MAN2A1: variants seen among roughly 807,000 people sequenced by gnomAD.
MAN2A1 encodes the protein mannosidase alpha class 2A member 1.
A neutral mutation model predicts 142.6 loss-of-function variants in MAN2A1; 76 were observed. The observed-to-expected ratio is 0.53, with a 90% CI of 0.44 to 0.65. The LOEUF is 0.65. Ranked by LOEUF, MAN2A1 falls within the 30% of genes least tolerant of loss-of-function variation. MAN2A1 has a pLI of 0.00. For synonymous variants in MAN2A1, 559 were observed against 473.2 expected (o/e 1.18, Z -2.35); for missense variants, 1,311 against 1,365.1 (o/e 0.96, Z 0.62).
rs1177675086 is a variant in MAN2A1 at position 109,788,862 on chromosome 5, G to T, written c.1761-72G>T. ...GAAGATACTGGTGGTTTGGCTATTA[G>T]TAATGAAACTGAAAATATTGTATGC... On this transcript the variant is annotated intron_variant, in intron 10 of 21. Transcript: ENST00000261483. The T allele has an allele frequency of 5.6e-6, 4 of 714,540 alleles. No homozygotes were observed. The African/African-American group carries it at 7.1e-5, about 13-fold the overall frequency. 44.3% of individuals were successfully genotyped at this position (714,540 alleles called of 1,614,324 possible).
intron 5 of MAN2A1, among the ~76,000 whole-genome samples, chr5:109,761,339 G>T (rs17162169): frequency 6.6e-6 from 1 of 151,502 alleles, no homozygotes; most frequent in Non-Finnish European, 1.5e-5. Flanking sequence ...TCTGTATTAA[G>T]TATCATATTA....
chr5:109,735,457 C>T (rs1447803278), intron 4 of MAN2A1, among the ~76,000 whole-genome samples: 1 of 152,170 alleles, frequency 6.6e-6, no homozygotes, highest in Non-Finnish European at 1.5e-5. Flanking sequence ...GATGCAGTTT[C>T]TTCCTAGCCT....
chr5:109,813,488 C>G (rs1754372772), intron 12 of MAN2A1, among the ~76,000 whole-genome samples: 1 of 152,212 alleles, frequency 6.6e-6, no homozygotes, highest in African/African-American at 2.4e-5. Flanking sequence ...CCTCAGTTTC[C>G]TTATATGTCC....
intron 19 of MAN2A1, 85 bp from the exon 20 acceptor site, chr5:109,855,055 A>G: frequency 8.2e-6 from 5 of 612,014 alleles, no homozygotes; most frequent in Non-Finnish European, 1.3e-5. Context: ...ATATATTTTT[A>G]TATTAAACCC....
intron 4 of MAN2A1, among the ~76,000 whole-genome samples, chr5:109,744,920 G>C (rs978814781): frequency 6.6e-6 from 1 of 151,998 alleles, no homozygotes; most frequent in African/African-American, 2.4e-5. Context: ...AGAATACCTA[G>C]CAGTAAAAAA....
Position 109,866,995 on chromosome 5 carries a change from G to A in MAN2A1, c.3432G>A (p.Arg1144=). The change falls in exon 22 of 22, where the codon AGG becomes AGA. Residue 1144 remains arginine, a synonymous_variant. Coordinates refer to ENST00000261483, the MANE Select transcript of MAN2A1 (RefSeq NM_002372.4). ...MEISTFRIQL[R] is the part of the protein sequence containing the mutation. The stretch of plus-strand genomic sequence containing the variant: ...TCAGCACATTCCGAATCCAGTTGAG[G>A]TGAACCTGACTTTCACATTTGGATT... 1 of 1,606,244 alleles carries A rather than the reference G, an allele frequency of 6.2e-7. No individual in the cohort carries two copies. Among genetic ancestry groups the A allele is most frequent in the Non-Finnish European group, 8.5e-7 (1 of 1,176,726 alleles).
At chr5:109,859,384 T>C (rs1292002722) in intron 20 of MAN2A1, among the ~76,000 whole-genome samples, 2 of 152,222 alleles carry the variant, frequency 1.3e-5, no homozygotes, top group Non-Finnish European at 2.9e-5. Context: ...TTTTGGAAAA[T>C]GATTATATGC....
intron 3 of MAN2A1, among the ~76,000 whole-genome samples, chr5:109,718,193 A>G (rs568167217): frequency 6.6e-6 from 1 of 152,326 alleles, no homozygotes; most frequent in African/African-American, 2.4e-5. Flanking sequence ...TCTTCCTTGT[A>G]GGCTTATAAA....
intron 4 of MAN2A1, among the ~76,000 whole-genome samples, chr5:109,732,129 T>G (rs1409705555): frequency 6.6e-6 from 1 of 151,450 alleles, no homozygotes; most frequent in Non-Finnish European, 1.5e-5. Flanking sequence ...TGAGCATTTT[T>G]TCATGTGTTT....
intron 16 of MAN2A1, among the ~76,000 whole-genome samples, chr5:109,830,061 A>T (rs1399033117): frequency 6.6e-6 from 1 of 152,132 alleles, no homozygotes; most frequent in Non-Finnish European, 1.5e-5. Context: ...TATTGCTCTG[A>T]TAGGGGCTCT....
chr5:109,815,551 C>T (rs1754432474), intron 12 of MAN2A1, among the ~76,000 whole-genome samples: 1 of 152,166 alleles, frequency 6.6e-6, no homozygotes, highest in Non-Finnish European at 1.5e-5. Context: ...ATGTCATTAT[C>T]ACCTTTGGTA....
chr5:109,812,020 T>C (rs1754332363), intron 12 of MAN2A1, among the ~76,000 whole-genome samples: 1 of 152,186 alleles, frequency 6.6e-6, no homozygotes, highest in Non-Finnish European at 1.5e-5. Flanking sequence ...TCGTTCACTG[T>C]ACTACCCAGT....
chr5:109,716,700 T>C (rs1751462116), intron 3 of MAN2A1, among the ~76,000 whole-genome samples: 1 of 152,198 alleles, frequency 6.6e-6, no homozygotes. Flanking sequence ...TTGGTGTTGA[T>C]TGGTTTCAGG....
At chr5:109,854,062 C>T (rs976110235) in intron 19 of MAN2A1, 2 of 152,124 alleles carry the variant, frequency 1.3e-5, no homozygotes, top group Non-Finnish European at 2.9e-5. Flanking sequence ...CTCTATAAAT[C>T]CTGTCTTTTC....
chr5:109,767,145 G>C (rs1582876422), intron 5 of MAN2A1, among the ~76,000 whole-genome samples: 1 of 152,128 alleles, frequency 6.6e-6, no homozygotes, highest in Admixed American at 6.5e-5. Context: ...TCTTTATCAT[G>C]TAATAGTTCC....
chr5:109,832,639 C>T (rs554751249), intron 16 of MAN2A1, among the ~76,000 whole-genome samples: 17 of 152,290 alleles, frequency 1.1e-4, no homozygotes, highest in African/African-American at 2.4e-4. Flanking sequence ...CCCTTCCACT[C>T]GACAAAACCG....
At chr5:109,851,161 A>G (rs898599804) in intron 19 of MAN2A1, among the ~76,000 whole-genome samples, 1 of 152,238 alleles carries the variant, frequency 6.6e-6, no homozygotes, top group East Asian at 1.9e-4. Context: ...TCCTCAGAGA[A>G]TTCTGCAGAG....
At chr5:109,816,784 GA>G (rs1754472555) in intron 12 of MAN2A1, among the ~76,000 whole-genome samples, 1 of 152,008 alleles carries the variant, frequency 6.6e-6, no homozygotes, top group Non-Finnish European at 1.5e-5. Flanking sequence ...CTGGGGTACA[GA>G]AAAGCTTTAT....
chr5:109,761,896 T>C (rs1752853795), intron 5 of MAN2A1, among the ~76,000 whole-genome samples: 1 of 152,112 alleles, frequency 6.6e-6, no homozygotes. Context: ...AGCCTTCTTA[T>C]CAACATTTTA....
Sources: allele counts gnomAD v4.1 joint callset (sites outside exome capture counted in the v4.1 genomes callset), GRCh38; gene constraint gnomAD v4.1.1; transcripts MANE v1.5; gene names NCBI Gene and HGNC (gene_info 2026-07-23, HGNC 2026-07-21).